ACO1: variants seen among roughly 807,000 people sequenced by gnomAD.
The protein encoded by ACO1 is cytoplasmic aconitate hydratase.
A neutral mutation model predicts 105.1 loss-of-function variants in ACO1; 78 were observed. That is an observed-to-expected ratio of 0.74 (90% CI 0.62 to 0.90). ACO1 has a LOEUF of 0.90. Ranked by LOEUF, ACO1 falls within the 40% of genes least tolerant of loss-of-function variation. The probability of loss-of-function intolerance (pLI) is 0.00; values close to 1 mark genes in which losing one functional copy is unlikely to be tolerated. For synonymous variants in ACO1, 364 were observed against 397.4 expected (o/e 0.92, Z 1.00); for missense variants, 965 against 1,111.1 (o/e 0.87, Z 1.87).
chr9:32,408,844 T>C (rs964989268), intron 4 of ACO1, among the ~76,000 whole-genome samples, 193 bp downstream of exon 4: 4 of 152,208 alleles, frequency 2.6e-5, no homozygotes, highest in African/African-American at 9.6e-5. Context: ...CTTTTAATCT[T>C]TTTTTATTTG....
intron 1 of ACO1, among the ~76,000 whole-genome samples, chr9:32,398,904 T>C (rs1346432368): frequency 6.6e-6 from 1 of 152,178 alleles, no homozygotes; most frequent in Non-Finnish European, 1.5e-5. Context: ...CAGGTTGATA[T>C]TTCTAAATGC....
intron 18 of ACO1, among the ~76,000 whole-genome samples, chr9:32,437,787 C>T (rs1822396316): frequency 6.6e-6 from 1 of 151,750 alleles, no homozygotes; most frequent in Non-Finnish European, 1.5e-5. Context: ...AATCAGAAGA[C>T]AAGAAAGAAT....
At chr9:32,387,681 T>C (rs1398266414) in intron 1 of ACO1, among the ~76,000 whole-genome samples, 1 of 152,168 alleles carries the variant, frequency 6.6e-6, no homozygotes, top group Non-Finnish European at 1.5e-5. Context: ...GGACAGGTAG[T>C]GAAATATTTT....
At chr9:32,408,690 T>G (rs1821669678) in intron 4 of ACO1, 39 bp downstream of exon 4, 1 of 1,597,078 alleles carries the variant, frequency 6.3e-7, no homozygotes, top group East Asian at 2.2e-5. Flanking sequence ...TTCTGCTTTG[T>G]GCAAAATCTT....
intron 4 of ACO1, among the ~76,000 whole-genome samples, chr9:32,412,240 T>C (rs1821755296): frequency 6.6e-6 from 1 of 152,182 alleles, no homozygotes; most frequent in Non-Finnish European, 1.5e-5. Flanking sequence ...CATGATCACA[T>C]TGTAGCTCAA....
chr9:32,390,627 A>G (rs374055255), intron 1 of ACO1, among the ~76,000 whole-genome samples: 12 of 152,248 alleles, frequency 7.9e-5, no homozygotes, highest in African/African-American at 2.9e-4. Context: ...CTGGAGAAAA[A>G]TTTTGAGTAT....
At chr9:32,433,879 T>G (rs1038979314) in intron 16 of ACO1, 47 bp downstream of exon 16, 1 of 1,431,980 alleles carries the variant, frequency 7.0e-7, no homozygotes, top group Non-Finnish European at 9.6e-7. Context: ...GAAGGGTTTC[T>G]TTCCTAATAA....
intron 10 of ACO1, among the ~76,000 whole-genome samples, chr9:32,425,414 G>A (rs1441865124): frequency 2.0e-5 from 3 of 152,172 alleles, no homozygotes; most frequent in Non-Finnish European, 2.9e-5. Flanking sequence ...GGTCAAAATA[G>A]CGCCTTTTTC....
chr9:32,424,561 G>A lies in ACO1; in HGVS notation c.1084G>A (p.Asp362Asn). 1 of 1,612,328 alleles carries A rather than the reference G, an allele frequency of 6.2e-7. No homozygotes were observed. Among genetic ancestry groups the A allele is most frequent in the Non-Finnish European group, 8.5e-7 (1 of 1,178,932 alleles). The change falls in exon 10 of 21, where the codon GAT becomes AAT. Residue 362 changes from aspartate to asparagine, a missense_variant. Asp to Asn is a conservative substitution (Grantham distance 23). Transcript: ENST00000309951. Reference sequence around the variant, plus strand: ...TTGGGGTCAACAGGTTGTGGAATTAGATTTGAAAACAGTAGTGCCTTGCTG... The same window carrying A: ...TTGGGGTCAACAGGTTGTGGAATTAAATTTGAAAACAGTAGTGCCTTGCTG... ...DPDFTQVVEL[D>N]LKTVVPCCSG...
intron 12 of ACO1, among the ~76,000 whole-genome samples, chr9:32,428,690 C>A (rs909722308): frequency 4.0e-5 from 6 of 151,826 alleles, no homozygotes; most frequent in African/African-American, 7.3e-5. Flanking sequence ...TACAAAAAAA[C>A]AAAATTAGCC....
intron 4 of ACO1, among the ~76,000 whole-genome samples, chr9:32,417,852 T>C (rs150051285): frequency 3.9e-5 from 6 of 152,374 alleles, no homozygotes; most frequent in Non-Finnish European, 5.9e-5. Flanking sequence ...AGTCAGACTT[T>C]ATGATTAGAT....
At chr9:32,388,168 A>C (rs1325185856) in intron 1 of ACO1, among the ~76,000 whole-genome samples, 1 of 152,200 alleles carries the variant, frequency 6.6e-6, no homozygotes, top group Non-Finnish European at 1.5e-5. Flanking sequence ...TGAATTTTGC[A>C]TATTATTATG....
At chr9:32,433,585 A>G (rs1183956657) in intron 15 of ACO1, 143 bp from the exon 16 acceptor site, 1 of 622,940 alleles carries the variant, frequency 1.6e-6, no homozygotes, top group Non-Finnish European at 2.7e-6. Flanking sequence ...CACTATTAGT[A>G]TAAAGGAACT....
chr9:32,426,185 C>G (rs1208077420), intron 11 of ACO1, among the ~76,000 whole-genome samples, 188 bp downstream of exon 11: 1 of 152,136 alleles, frequency 6.6e-6, no homozygotes, highest in Admixed American at 6.6e-5. Context: ...TTTTTAAAAT[C>G]GAATGCACAC....
chr9:32,398,605 G>GT (rs1188252858), intron 1 of ACO1, among the ~76,000 whole-genome samples: 6 of 118,106 alleles, frequency 5.1e-5, no homozygotes, highest in African/African-American at 1.3e-4. Context: ...GTTTTGTTTT[G>GT]TTTTTTGAGA....
chr9:32,442,515 C>T (rs1587555027), intron 19 of ACO1, among the ~76,000 whole-genome samples: 1 of 151,972 alleles, frequency 6.6e-6, no homozygotes, highest in Non-Finnish European at 1.5e-5. Context: ...CTGTATATTG[C>T]CAATTATAGA....
intron 3 of ACO1, 63 bp downstream of exon 3, chr9:32,407,492 T>C: frequency 1.3e-6 from 2 of 1,500,790 alleles, no homozygotes; most frequent in Non-Finnish European, 1.8e-6. Context: ...AAAGTTTTCT[T>C]TTAAACAAAT....
chr9:32,437,717 AG>A (rs1347919344), intron 18 of ACO1, among the ~76,000 whole-genome samples: 7 of 152,212 alleles, frequency 4.6e-5, no homozygotes, highest in African/African-American at 1.4e-4. Flanking sequence ...GAGTGCAAAA[AG>A]TAAAAGAAAA....
intron 3 of ACO1, 78 bp from the exon 4 acceptor site, chr9:32,408,436 C>G: frequency 6.5e-7 from 1 of 1,540,540 alleles, no homozygotes; most frequent in East Asian, 2.3e-5. Flanking sequence ...TCAATATTAT[C>G]AATGGAGGCA....
Sources: allele counts gnomAD v4.1 joint callset (sites outside exome capture counted in the v4.1 genomes callset), GRCh38; gene constraint gnomAD v4.1.1; transcripts MANE v1.5; gene names NCBI Gene and HGNC (gene_info 2026-07-23, HGNC 2026-07-21).